The following PATJ variants were observed in gnomAD, a reference collection of about 807,000 sequenced individuals.
The protein encoded by PATJ is PATJ crumbs cell polarity complex component.
PATJ carries 190 observed loss-of-function variants against 224.9 expected under a neutral mutation model. That is an observed-to-expected ratio of 0.84 (90% CI 0.75 to 0.95). The LOEUF (loss-of-function observed/expected upper bound fraction) is 0.95. PATJ is among the 40% of genes least tolerant of loss of function. The pLI, the probability that PATJ is intolerant of heterozygous loss-of-function variation, is 0.00. For synonymous variants in PATJ, 769 were observed against 820.3 expected, an observed-to-expected ratio of 0.94 and a Z score of 1.07; for missense variants, 2,121 against 2,270.3, an observed-to-expected ratio of 0.93 and a Z score of 1.34.
intron 29 of PATJ, among the ~76,000 whole-genome samples, chr1:62,032,835 G>C (rs531310847): frequency 2.0e-4 from 31 of 151,432 alleles, no homozygotes; most frequent in Non-Finnish European, 4.1e-4. Context: ...CAGCGTGTCT[G>C]GGGGGGCCTC....
At position 61,797,287 on chromosome 1, in the gene PATJ, G is replaced by T. The variant is rs768805115; in HGVS notation, c.1261G>T (p.Val421Phe). 6.2e-7 allele frequency: 1 copy of T among 1,611,090 alleles called. No homozygotes were observed. Among genetic ancestry groups the T allele is most frequent in the Non-Finnish European group, 8.5e-7 (1 of 1,177,478 alleles). The change falls in exon 11 of 44, where the codon GTC becomes TTC. Residue 421 changes from valine to phenylalanine, a missense_variant and splice_region_variant. Val to Phe is a conservative substitution (Grantham distance 50, BLOSUM62 -1). Coordinates refer to ENST00000642238, the MANE Select transcript of PATJ (RefSeq NM_001350145.3). ...HIQVNDKIVA[V>F]DGVNIQGFAN... ...CTTAATGTTTCTCTTGATGTTTTAG[G>T]TCGATGGCGTGAACATTCAGGGTTT... is the stretch of plus-strand genomic sequence containing the variant.
intron 30 of PATJ, among the ~76,000 whole-genome samples, chr1:62,049,243 T>TCACACACA (rs60099928): frequency 0.077 from 10,585 of 137,072 alleles, 445 homozygotes; most frequent in South Asian, 0.083. Context: ...AAGTAAGCAA[T>TCACACACA]CACACACACA....
intron 1 of PATJ, among the ~76,000 whole-genome samples, chr1:61,761,869 G>A (rs1645992164): frequency 6.6e-6 from 1 of 151,670 alleles, no homozygotes; most frequent in Non-Finnish European, 1.5e-5. Context: ...AATTTTTTTT[G>A]TAGAGATGGA....
chr1:61,797,227 CA>C (rs1651519675), intron 10 of PATJ, 59 bp from the exon 11 acceptor site: 4 of 1,543,380 alleles, frequency 2.6e-6, no homozygotes, highest in Non-Finnish European at 3.6e-6. Flanking sequence ...TCAGTGTTGC[CA>C]GAGCTAAAAA....
chr1:62,122,682 G>A (rs1041676061), intron 38 of PATJ, among the ~76,000 whole-genome samples: 23 of 152,144 alleles, frequency 1.5e-4, no homozygotes, highest in African/African-American at 4.3e-4. Flanking sequence ...AAAATTAGCC[G>A]GGCGTGGTGG....
At position 61,809,595 on chromosome 1, in the gene PATJ, C is replaced by T. The variant is rs572635975; in HGVS notation, c.1683+1065C>T. ...AGAGACGAGGTTTCTCCCTGTTGGT[C>T]ACGCTGGTCTCCAACTCCCGACCTC... On this transcript the variant is annotated intron_variant, in intron 14 of 43. Transcript: ENST00000642238. 8.5e-5 allele frequency among the ~76,000 whole-genome samples: 13 copies of T among 152,060 alleles called. No individual in the cohort carries two copies. The East Asian group carries it at 1.4e-3, about 16-fold the overall frequency.
At position 62,024,373 on chromosome 1, in the gene PATJ, A is replaced by C. The variant is rs182232929; in HGVS notation, c.3959+6426A>C. ...AGGGTTTTCTTTAATTACCAATTCA[A>C]TTTCAGAAGTTGATATTGGTCTATT... On this transcript the variant is annotated intron_variant, in intron 29 of 43. Coordinates refer to ENST00000642238, the MANE Select transcript of PATJ (RefSeq NM_001350145.3). Among the ~76,000 whole-genome samples the C allele has an allele frequency of 4.6e-5, 7 of 152,194 alleles. No individual in the cohort carries two copies. The East Asian group carries it at 1.4e-3, about 29-fold the overall frequency.
chr1:61,744,358 A>G (rs530032009), intron 1 of PATJ, among the ~76,000 whole-genome samples: 98 of 151,898 alleles, frequency 6.5e-4, no homozygotes, highest in Non-Finnish European at 1.2e-3. Flanking sequence ...ATTCCTAAAG[A>G]AAGAATTTCT....
chr1:61,804,405 C>T (rs1653124447), intron 12 of PATJ, among the ~76,000 whole-genome samples: 1 of 151,954 alleles, frequency 6.6e-6, no homozygotes. Flanking sequence ...TTGAGGTTAG[C>T]CTGTTTCACT....
At chr1:61,788,923 C>T (rs1257946757) in intron 8 of PATJ, among the ~76,000 whole-genome samples, 2 of 152,114 alleles carry the variant, frequency 1.3e-5, no homozygotes, top group African/African-American at 4.8e-5. Flanking sequence ...ATCCGCCCAC[C>T]TCAGTCTCCC....
intron 20 of PATJ, among the ~76,000 whole-genome samples, chr1:61,874,394 C>T (rs1667082720): frequency 6.6e-6 from 1 of 151,958 alleles, no homozygotes; most frequent in Non-Finnish European, 1.5e-5. Flanking sequence ...GACAGGGTTT[C>T]CCCATGTTGG....
chr1:62,044,448 G>A (rs151086608), intron 30 of PATJ, among the ~76,000 whole-genome samples: 1,816 of 152,288 alleles, frequency 0.012, 17 homozygotes, highest in Middle Eastern at 0.048. Flanking sequence ...TAGTCTAATA[G>A]CAATGTTAAA....
intron 16 of PATJ, among the ~76,000 whole-genome samples, chr1:61,831,343 T>A (rs536518307): frequency 2.0e-5 from 3 of 152,094 alleles, no homozygotes; most frequent in Admixed American, 1.3e-4. Flanking sequence ...GGGACTTAAT[T>A]AAACCAAAGA....
intron 43 of PATJ, among the ~76,000 whole-genome samples, chr1:62,157,831 C>CAAAA (rs1160300843): frequency 1.3e-4 from 8 of 59,754 alleles, no homozygotes; most frequent in African/African-American, 2.2e-4. Context: ...ACTCTGTCTC[C>CAAAA]AAAAAAAAAA....
intron 26 of PATJ, among the ~76,000 whole-genome samples, chr1:61,924,519 A>T (rs1445248259): frequency 1.3e-5 from 2 of 152,238 alleles, no homozygotes; most frequent in African/African-American, 4.8e-5. Flanking sequence ...TATAAAAATG[A>T]TTCTGAGTTT....
At chr1:61,837,234 T>C (rs1375370566) in intron 17 of PATJ, among the ~76,000 whole-genome samples, 2 of 152,226 alleles carry the variant, frequency 1.3e-5, no homozygotes, top group African/African-American at 2.4e-5. Flanking sequence ...TTAACAATTA[T>C]TCAGTTTAGA....
chr1:61,997,191 A>C (rs1645418235), intron 28 of PATJ, among the ~76,000 whole-genome samples: 1 of 152,356 alleles, frequency 6.6e-6, no homozygotes, highest in South Asian at 2.1e-4. Context: ...ATTGTATCTC[A>C]AAGCTATTAA....
Position 62,074,200 on chromosome 1 carries a change from TA to T in PATJ, c.4126-5242del, listed in dbSNP as rs796132175. Among the ~76,000 whole-genome samples the T allele has an allele frequency of 1.3e-4, 15 of 111,582 alleles. No individual in the cohort carries two copies. In the East Asian group the frequency reaches 2.2e-3, roughly 16 times the overall value. 73.2% of individuals were successfully genotyped at this position (111,582 alleles called of 152,430 possible). A position where few individuals can be genotyped will look rare whatever the true frequency, so the allele number is the denominator to read the frequency against. ...AAAATTATATGCTGAAAACCCAAAT[TA>T]AAAAAAATAGTGGGGGGAGGGGGGA... On this transcript the variant is annotated intron_variant, in intron 31 of 43. Transcript: ENST00000642238.
intron 27 of PATJ, among the ~76,000 whole-genome samples, chr1:61,975,433 T>C (rs532596443): frequency 1.3e-5 from 2 of 152,216 alleles, no homozygotes; most frequent in South Asian, 4.1e-4. Context: ...GCATAGTGCC[T>C]AGCCCAGAGC....
Sources: gnomAD v4.1 joint callset for allele counts (sites outside exome capture counted in the v4.1 genomes callset) on GRCh38, gnomAD v4.1.1 for gene constraint, MANE v1.5 for transcripts, NCBI Gene and HGNC (gene_info 2026-07-23, HGNC 2026-07-21) for gene names.